PRRC2B: variants seen among roughly 807,000 people sequenced by gnomAD.
PRRC2B encodes protein PRRC2B.
A neutral mutation model predicts 242.3 loss-of-function variants in PRRC2B; 68 were observed. The ratio of observed to expected loss-of-function variants is 0.28; its 90% CI spans 0.23 to 0.34. The LOEUF is 0.34. PRRC2B is among the 10% of genes least tolerant of loss of function. The probability of loss-of-function intolerance (pLI) is 1.00; values close to 1 mark genes in which losing one functional copy is unlikely to be tolerated. For missense variants in PRRC2B, 2,835 were observed against 2,954.8 expected, an observed-to-expected ratio of 0.96 and a Z score of 0.94; for synonymous variants, 1,228 against 1,173.6, an observed-to-expected ratio of 1.05 and a Z score of -0.95.
At chr9:131,430,585 GTGTGTGTGTGTA>G (rs1564281604) in intron 2 of PRRC2B, among the ~76,000 whole-genome samples, 16 of 135,864 alleles carry the variant, frequency 1.2e-4, no homozygotes, top group South Asian at 2.3e-4. Flanking sequence ...GTGTGTGTGT[GTGTGTGTGTGTA>G]TATATATGTT....
At chr9:131,492,707 T>C (rs994587619) in intron 30 of PRRC2B, among the ~76,000 whole-genome samples, 2 of 152,216 alleles carry the variant, frequency 1.3e-5, no homozygotes, top group African/African-American at 4.8e-5. Context: ...GCTGGGCTTA[T>C]GGGGCCATTC....
At chr9:131,447,580 G>A in intron 8 of PRRC2B, 82 bp from the exon 9 acceptor site, 1 of 1,306,872 alleles carries the variant, frequency 7.7e-7, no homozygotes, top group South Asian at 1.6e-5. Context: ...CCTTTGCAGT[G>A]TGGAATTTAT....
At chr9:131,490,566 G>A (rs1462091768) in intron 28 of PRRC2B, 1 of 519,124 alleles carries the variant, frequency 1.9e-6, no homozygotes, top group Admixed American at 1.9e-5. Context: ...GACAGTGACT[G>A]AGAGACCAAA....
chr9:131,397,796 A>G (rs1416175876), intron 1 of PRRC2B, among the ~76,000 whole-genome samples: 1 of 152,118 alleles, frequency 6.6e-6, no homozygotes, highest in Non-Finnish European at 1.5e-5. Flanking sequence ...GCGGACAGGT[A>G]CTAAATAGAG....
intron 8 of PRRC2B, among the ~76,000 whole-genome samples, chr9:131,447,417 G>C (rs1436459019): frequency 2.0e-5 from 3 of 152,122 alleles, no homozygotes; most frequent in African/African-American, 7.2e-5. Flanking sequence ...TAGAGTTGAA[G>C]TTCTGGCACG....
At chr9:131,471,207 T>A (rs977928749) in intron 14 of PRRC2B, among the ~76,000 whole-genome samples, 1 of 152,198 alleles carries the variant, frequency 6.6e-6, no homozygotes, top group Non-Finnish European at 1.5e-5. Flanking sequence ...TATCATAAAT[T>A]GCTTTAATTA....
rs367732405 is a variant in PRRC2B, at chr9:131,494,540, A to C, written c.6555+54A>C. 1 of 987,772 alleles carries C rather than the reference A, an allele frequency of 1.0e-6. No homozygotes were observed. Among genetic ancestry groups the C allele is most frequent in the East Asian group, 2.6e-5 (1 of 37,834 alleles). The allele number at this position is 987,772 out of a possible 1,614,324, so 61.2% of individuals were successfully genotyped here. A position where few individuals can be genotyped will look rare whatever the true frequency, so the allele number is the denominator to read the frequency against. On this transcript the variant is annotated intron_variant, in intron 31 of 31. Coordinates refer to ENST00000683519, the MANE Select transcript of PRRC2B (RefSeq NM_013318.4). This position sits in a 1 kb window ranked among gnomAD's most constrained non-coding sequence, Gnocchi z 4.3. ...CCCTGGACACTTAGGCCCGTCTCCA[A>C]GCGCCAAAAGAGAAGGGACTGTCCA...
chr9:131,464,208 C>T (rs992099408), intron 11 of PRRC2B, among the ~76,000 whole-genome samples: 2 of 152,234 alleles, frequency 1.3e-5, no homozygotes, highest in African/African-American at 4.8e-5. Flanking sequence ...TCCCAAAGTG[C>T]TGGGATTACA....
intron 25 of PRRC2B, chr9:131,485,785 C>T (rs373056587): frequency 1.1e-5 from 7 of 661,500 alleles, no homozygotes; most frequent in Non-Finnish European, 1.7e-5. Flanking sequence ...AATGCCCCTT[C>T]GAGTGTCTGG....
chr9:131,431,200 G>T (rs1394426102), intron 2 of PRRC2B, among the ~76,000 whole-genome samples: 1 of 151,600 alleles, frequency 6.6e-6, no homozygotes, highest in Admixed American at 6.6e-5. Context: ...GTGTGATCTT[G>T]GCTCACTGTA....
intron 17 of PRRC2B, 61 bp downstream of exon 17, chr9:131,478,010 C>T: frequency 6.7e-7 from 1 of 1,487,506 alleles, no homozygotes; most frequent in Non-Finnish European, 9.3e-7. Flanking sequence ...CCATGCAGTC[C>T]TCGGGCCTCC....
chr9:131,380,009 T>C (rs1011562885), intron 1 of PRRC2B, among the ~76,000 whole-genome samples: 33 of 148,622 alleles, frequency 2.2e-4, no homozygotes, highest in Middle Eastern at 3.2e-3. Flanking sequence ...TTTTTTTTTT[T>C]TGAGATGGAA....
chr9:131,443,079 A>G (rs916629363), intron 5 of PRRC2B, among the ~76,000 whole-genome samples: 2 of 152,268 alleles, frequency 1.3e-5, no homozygotes, highest in Admixed American at 6.5e-5. Flanking sequence ...ACCACATTTG[A>G]TGGTAGAAAG....
Position 131,494,824 on chromosome 9 carries a change from C to T in PRRC2B, c.6555+338C>T, listed in dbSNP as rs192380917. 2.1e-4 allele frequency among the ~76,000 whole-genome samples: 32 copies of T among 152,104 alleles called. No homozygotes were observed. The highest frequency in any genetic ancestry group is 5.5e-4 in the African/African-American group (23 of 41,496). On this transcript the variant is annotated intron_variant, in intron 31 of 31. Transcript: ENST00000683519. This position sits in a 1 kb window ranked among gnomAD's most constrained non-coding sequence, Gnocchi z 4.3. ...AGGTTTGGGGGTCGGCTTTAGGAGCCGGGGTGCGCGCGCTGGTTCTAGTCA... is the reference window on the plus strand; with the variant it reads ...AGGTTTGGGGGTCGGCTTTAGGAGCTGGGGTGCGCGCGCTGGTTCTAGTCA...
At chr9:131,469,866 G>C (rs1452702084) in intron 13 of PRRC2B, among the ~76,000 whole-genome samples, 2 of 152,170 alleles carry the variant, frequency 1.3e-5, no homozygotes. Flanking sequence ...GTGGTGCTGT[G>C]GGCAAGGGTG....
At chr9:131,485,973 TC>T (rs1417057741) in intron 25 of PRRC2B, 111 bp from the exon 26 acceptor site, 8 of 784,058 alleles carry the variant, frequency 1.0e-5, no homozygotes, top group Non-Finnish European at 1.8e-5. Context: ...CACGCCCTCG[TC>T]CCCACTGAGT....
At chr9:131,383,029 C>T (rs563243329) in intron 1 of PRRC2B, among the ~76,000 whole-genome samples, 13 of 152,244 alleles carry the variant, frequency 8.5e-5, no homozygotes, top group African/African-American at 2.6e-4. Flanking sequence ...GATGTCCTCC[C>T]GGTGCTCAGA....
chr9:131,482,860 G>GACTCCGTGCTGCCTGTGCCACCCATTGA lies in PRRC2B; in HGVS notation c.5328_5355dup (p.Phe1786LeufsTer9). ...TGTTAACGGGGTGGAGATTCACGTG[G>GACTCCGTGCTGCCTGTGCCACCCATTGA]ACTCCGTGCTGCCTGTGCCACCCAT... On this transcript the variant is annotated frameshift_variant, in exon 22 of 32. Coordinates refer to ENST00000683519, the MANE Select transcript of PRRC2B (RefSeq NM_013318.4). LOFTEE classifies it high-confidence loss of function. The surrounding 1 kb of genome is among the most constrained non-coding windows in gnomAD (Gnocchi z 5.2). The GACTCCGTGCTGCCTGTGCCACCCATTGA allele has an allele frequency of 6.2e-7, 1 of 1,608,836 alleles. No homozygotes were observed. Among genetic ancestry groups the GACTCCGTGCTGCCTGTGCCACCCATTGA allele is most frequent in the Non-Finnish European group, 8.5e-7 (1 of 1,177,578 alleles).
chr9:131,392,744 C>A (rs1423091050), upstream of PRRC2B, among the ~76,000 whole-genome samples: 8 of 152,058 alleles, frequency 5.3e-5, no homozygotes, highest in South Asian at 1.7e-3. Context: ...GAAATCCCAT[C>A]TCTACCAAAA....
Sources: gnomAD v4.1 joint callset for allele counts (sites outside exome capture counted in the v4.1 genomes callset) on GRCh38, gnomAD v4.1.1 for gene constraint, Gnocchi (gnomAD v3.1) non-coding constraint, MANE v1.5 for transcripts, NCBI Gene and HGNC (gene_info 2026-07-23, HGNC 2026-07-21) for gene names.